Variants in KIAA1217 observed in about 807,000 individuals in gnomAD.
KIAA1217 encodes the protein KIAA1217.
In KIAA1217, 88 loss-of-function variants were observed where a neutral mutation model predicts 163.9. The ratio of observed to expected loss-of-function variants is 0.54; its 90% CI spans 0.45 to 0.64. KIAA1217 has a LOEUF of 0.64. Ranked by LOEUF, KIAA1217 falls within the 30% of genes least tolerant of loss-of-function variation. KIAA1217 has a pLI of 0.00. For missense variants in KIAA1217, 2,372 were observed against 2,475.0 expected (o/e 0.96, Z 0.88); for synonymous variants, 903 against 923.1 (o/e 0.98, Z 0.39).
chr10:24,047,052 C>A (rs1003536067), intron 2 of KIAA1217, among the ~76,000 whole-genome samples: 1 of 152,118 alleles, frequency 6.6e-6, no homozygotes, highest in Non-Finnish European at 1.5e-5. Flanking sequence ...TTAAACAAAA[C>A]AAAGAAGTGG....
At position 24,524,611 on chromosome 10, in the gene KIAA1217, C is replaced by G. The variant is rs147067816; in HGVS notation, c.2745C>G (p.Ser915Arg). ...CTCAGAACTTGCCTCACGTGGCCAG[C>G]TCCCCAGCCGTCCCCCAGGAAGCAA... ...NPAQNLPHVA[S>R]SPAVPQEATS... The change falls in exon 13 of 21, where the codon AGC becomes AGG. Residue 915 changes from serine to arginine, a missense_variant. Coordinates refer to ENST00000376454, the MANE Select transcript of KIAA1217 (RefSeq NM_019590.5). The G allele has an allele frequency of 6.5e-5, 105 of 1,613,968 alleles. No individual in the cohort carries two copies. The highest frequency in any genetic ancestry group is 8.8e-5 in the Non-Finnish European group (104 of 1,180,048).
chr10:23,940,475 A>G (rs1241711030), intron 1 of KIAA1217, among the ~76,000 whole-genome samples: 1 of 151,140 alleles, frequency 6.6e-6, no homozygotes, highest in Non-Finnish European at 1.5e-5. Context: ...AAAAAAAAAA[A>G]AAAAAAAAAG....
intron 2 of KIAA1217, among the ~76,000 whole-genome samples, chr10:24,059,443 G>A (rs2060637569): frequency 6.6e-6 from 1 of 152,104 alleles, no homozygotes; most frequent in Non-Finnish European, 1.5e-5. Flanking sequence ...AAGTGTTTGA[G>A]GGGGTTAGAA....
At chr10:23,942,945 C>CAAAAAA (rs112348727) in intron 1 of KIAA1217, among the ~76,000 whole-genome samples, 2 of 100,840 alleles carry the variant, frequency 2.0e-5, no homozygotes. Context: ...CTGTCTGTAC[C>CAAAAAA]AAAAAAAAAA....
At chr10:23,925,098 A>C (rs1842972667) in intron 1 of KIAA1217, among the ~76,000 whole-genome samples, 2 of 152,136 alleles carry the variant, frequency 1.3e-5, no homozygotes, top group Admixed American at 6.6e-5. Flanking sequence ...ATTACTTAGA[A>C]ATGTGGAAGA....
chr10:24,459,070 T>C (rs2062087888), intron 5 of KIAA1217, among the ~76,000 whole-genome samples: 1 of 152,122 alleles, frequency 6.6e-6, no homozygotes, highest in Non-Finnish European at 1.5e-5. Context: ...TCTGATTTAC[T>C]AAACTCTCCA....
At chr10:23,732,860 T>C (rs576575404) in intron 1 of KIAA1217, among the ~76,000 whole-genome samples, 4 of 152,266 alleles carry the variant, frequency 2.6e-5, no homozygotes, top group Admixed American at 2.6e-4. Flanking sequence ...AACAAGAACT[T>C]TAACATTGCT....
intron 2 of KIAA1217, among the ~76,000 whole-genome samples, chr10:24,360,029 G>T (rs2049728879): frequency 7.1e-6 from 1 of 140,510 alleles, no homozygotes; most frequent in South Asian, 2.3e-4. Flanking sequence ...TGTATCTTTA[G>T]GATATAATTA....
At chr10:24,285,823 A>G (rs532331632) in intron 2 of KIAA1217, among the ~76,000 whole-genome samples, 3 of 152,274 alleles carry the variant, frequency 2.0e-5, no homozygotes, top group African/African-American at 2.4e-5. Context: ...GATTCTTCCA[A>G]TCCATGAGCA....
At chr10:24,210,936 G>T (rs570114592) in intron 1 of KIAA1217, among the ~76,000 whole-genome samples, 2 of 139,580 alleles carry the variant, frequency 1.4e-5, no homozygotes, top group Non-Finnish European at 3.1e-5. Context: ...CAGGTAAACG[G>T]TGAATTTTTT....
intron 2 of KIAA1217, among the ~76,000 whole-genome samples, chr10:24,178,049 G>C (rs1237870192): frequency 6.6e-6 from 1 of 152,142 alleles, no homozygotes; most frequent in African/African-American, 2.4e-5. Context: ...TGTACAGCTA[G>C]AGTTGAAGAT....
intron 5 of KIAA1217, among the ~76,000 whole-genome samples, chr10:24,440,774 C>A (rs556336950): frequency 6.6e-6 from 1 of 152,290 alleles, no homozygotes; most frequent in Admixed American, 6.5e-5. Context: ...ACCATCTAAC[C>A]AGCAGAAAAG....
At position 24,280,459 on chromosome 10, in the gene KIAA1217, A is replaced by G. The variant is rs189146635; in HGVS notation, c.354+60550A>G. On this transcript the variant is annotated intron_variant, in intron 2 of 20. Transcript: ENST00000376454. ...TGAATTTCAGCACTAATTTGAATAT[A>G]CCTAGATTCTAGATTGAAAATGACC... Among the ~76,000 whole-genome samples, 203 of 152,334 alleles carry G rather than the reference A, an allele frequency of 1.3e-3. 2 individuals carry two copies. The highest frequency in any genetic ancestry group is 4.4e-3 in the African/African-American group (182 of 41,578).
intron 2 of KIAA1217, among the ~76,000 whole-genome samples, chr10:24,060,076 T>C (rs962155981): frequency 6.6e-6 from 1 of 152,170 alleles, no homozygotes; most frequent in East Asian, 1.9e-4. Context: ...AGTCTTCTCT[T>C]TTTTTTCTTA....
intron 2 of KIAA1217, among the ~76,000 whole-genome samples, chr10:24,277,367 G>T (rs1381805360): frequency 6.6e-6 from 1 of 152,206 alleles, no homozygotes; most frequent in East Asian, 1.9e-4. Context: ...CTTCTTAGCG[G>T]CTTCCTAGAG....
At chr10:24,252,976 G>C (rs938512374) in intron 2 of KIAA1217, among the ~76,000 whole-genome samples, 1 of 146,730 alleles carries the variant, frequency 6.8e-6, no homozygotes, top group Admixed American at 7.0e-5. Flanking sequence ...AATATAGCGA[G>C]ACCCCGCCTC....
At chr10:24,323,116 AT>A in intron 2 of KIAA1217, among the ~76,000 whole-genome samples, 1 of 113,882 alleles carries the variant, frequency 8.8e-6, no homozygotes, top group Non-Finnish European at 2.1e-5. Context: ...TGCCCAGCTA[AT>A]TAAAAAAAAA....
chr10:24,415,727 T>C (rs1188977265), intron 3 of KIAA1217, among the ~76,000 whole-genome samples: 1 of 152,106 alleles, frequency 6.6e-6, no homozygotes, highest in Non-Finnish European at 1.5e-5. Context: ...CCTTAGAGAA[T>C]TGGGCCCTTT....
intron 1 of KIAA1217, among the ~76,000 whole-genome samples, chr10:23,911,734 A>G (rs1842438369): frequency 6.6e-6 from 1 of 152,140 alleles, no homozygotes; most frequent in Non-Finnish European, 1.5e-5. Flanking sequence ...ATGTCTAGGC[A>G]TGTAATTTAT....
Sources: gnomAD v4.1 joint callset for allele counts (sites outside exome capture counted in the v4.1 genomes callset) on GRCh38, gnomAD v4.1.1 for gene constraint, MANE v1.5 for transcripts, NCBI Gene and HGNC (gene_info 2026-07-23, HGNC 2026-07-21) for gene names.